The following DNAH8 variants were observed in gnomAD, a reference collection of about 807,000 sequenced individuals.
DNAH8 encodes the protein dynein axonemal heavy chain 8, also known as axonemal beta dynein heavy chain 8.
A neutral mutation model predicts 562.1 loss-of-function variants in DNAH8; 382 were observed. That is an observed-to-expected ratio of 0.68 (90% CI 0.63 to 0.74). DNAH8 has a LOEUF of 0.74. DNAH8 is among the 30% of genes least tolerant of loss of function. The pLI, the probability that DNAH8 is intolerant of heterozygous loss-of-function variation, is 0.00. For synonymous variants in DNAH8, 1,881 were observed against 1,919.4 expected (o/e 0.98, Z 0.52); for missense variants, 5,203 against 5,620.4 (o/e 0.93, Z 2.37).
At chr6:39,014,322 T>G (rs987842753) in intron 91 of DNAH8, among the ~76,000 whole-genome samples, 3 of 152,232 alleles carry the variant, frequency 2.0e-5, no homozygotes, top group African/African-American at 7.2e-5. Flanking sequence ...GTGTGTCTAC[T>G]TATGAGTCTC....
At chr6:38,785,172 C>T (rs1390176152) in intron 17 of DNAH8, among the ~76,000 whole-genome samples, 2 of 152,286 alleles carry the variant, frequency 1.3e-5, no homozygotes, top group South Asian at 4.2e-4. Flanking sequence ...CAGTAGAATT[C>T]TTTAACTTCT....
chr6:39,002,250 C>G (rs6918695), intron 88 of DNAH8, among the ~76,000 whole-genome samples: 60,856 of 152,010 alleles, frequency 0.4, 12,581 homozygotes, highest in Non-Finnish European at 0.45. Flanking sequence ...TGACACCCCT[C>G]TGTCTTCCCT....
intron 82 of DNAH8, among the ~76,000 whole-genome samples, chr6:38,955,632 A>AAAAT (rs567766999): frequency 3.0e-4 from 45 of 152,242 alleles, no homozygotes; most frequent in Middle Eastern, 6.8e-3. Context: ...CTCCATCTCA[A>AAAAT]AAATAAATAA....
chr6:38,881,614 C>T (rs956816165), intron 53 of DNAH8, among the ~76,000 whole-genome samples: 7 of 149,206 alleles, frequency 4.7e-5, no homozygotes, highest in Non-Finnish European at 1.0e-4. Flanking sequence ...TGCAATGGCG[C>T]GATCTTGGCT....
intron 21 of DNAH8, among the ~76,000 whole-genome samples, chr6:38,800,838 C>T (rs1361027843): frequency 6.6e-6 from 1 of 152,100 alleles, no homozygotes; most frequent in Non-Finnish European, 1.5e-5. Flanking sequence ...GCTTATTAAC[C>T]TTTTGTATGC....
intron 92 of DNAH8, among the ~76,000 whole-genome samples, chr6:39,027,493 A>G (rs1767374466): frequency 6.6e-6 from 1 of 152,202 alleles, no homozygotes; most frequent in Non-Finnish European, 1.5e-5. Flanking sequence ...TTGAGTCTTC[A>G]CATCTTCATC....
intron 81 of DNAH8, 110 bp downstream of exon 81, chr6:38,949,680 CA>C (rs2150629449): frequency 4.6e-6 from 3 of 652,606 alleles, no homozygotes; most frequent in South Asian, 4.4e-5. Flanking sequence ...AAAGTAACGG[CA>C]AAAACCGCAA....
At chr6:38,773,643 C>T (rs1402071164) in intron 12 of DNAH8, among the ~76,000 whole-genome samples, 1 of 152,170 alleles carries the variant, frequency 6.6e-6, no homozygotes, top group Non-Finnish European at 1.5e-5. Context: ...CGGCATCTTT[C>T]CCATTGGATA....
At chr6:38,717,981 T>A (rs1314537813) in intron 1 of DNAH8, among the ~76,000 whole-genome samples, 2 of 152,010 alleles carry the variant, frequency 1.3e-5, no homozygotes, top group African/African-American at 4.8e-5. Context: ...TTTATGCGAG[T>A]GGTGTTATTA....
At chr6:38,984,451 TACACACACGC>T (rs1461183958) in intron 87 of DNAH8, 144 bp downstream of exon 87, 2 of 626,276 alleles carry the variant, frequency 3.2e-6, no homozygotes, top group African/African-American at 3.9e-5. Flanking sequence ...TGTGTGCGCT[TACACACACGC>T]ACACACATGC....
At chr6:39,029,042 A>G (rs1356040944) in intron 92 of DNAH8, among the ~76,000 whole-genome samples, 3 of 152,180 alleles carry the variant, frequency 2.0e-5, no homozygotes, top group South Asian at 2.1e-4. Context: ...GTGAGCTGGC[A>G]TGATTGTTGG....
At chr6:38,758,165 G>T (rs1166541465) in intron 10 of DNAH8, among the ~76,000 whole-genome samples, 8 of 152,204 alleles carry the variant, frequency 5.3e-5, no homozygotes, top group Non-Finnish European at 1.0e-4. Flanking sequence ...CATGAGCATG[G>T]AATGTTCTTC....
chr6:38,873,690 T>C (rs1334439761), intron 52 of DNAH8, among the ~76,000 whole-genome samples: 1 of 148,648 alleles, frequency 6.7e-6, no homozygotes, highest in African/African-American at 2.5e-5. Context: ...TAGTAATTAA[T>C]TAAATTTTAA....
At chr6:38,969,203 AT>A (rs1763173524) in intron 82 of DNAH8, among the ~76,000 whole-genome samples, 1 of 152,212 alleles carries the variant, frequency 6.6e-6, no homozygotes, top group Admixed American at 6.5e-5. Context: ...AGTGATAGTT[AT>A]GCAACTCTAA....
chr6:38,974,175 A>G (rs1763526502), intron 84 of DNAH8, among the ~76,000 whole-genome samples, 199 bp from the exon 85 acceptor site: 1 of 152,234 alleles, frequency 6.6e-6, no homozygotes, highest in South Asian at 2.1e-4. Flanking sequence ...CCAAAATCTG[A>G]AACATTCTCA....
chr6:38,808,721 A>G (rs572289129), intron 24 of DNAH8, among the ~76,000 whole-genome samples: 1 of 152,352 alleles, frequency 6.6e-6, no homozygotes, highest in East Asian at 1.9e-4. Flanking sequence ...CAGGATAAAG[A>G]AAATGTGGCA....
chr6:38,750,690 A>G, intron 9 of DNAH8, 101 bp downstream of exon 9: 1 of 661,152 alleles, frequency 1.5e-6, no homozygotes, highest in Non-Finnish European at 2.6e-6. Context: ...GCTTGAGCCC[A>G]GGAGTGCAAG....
rs1779834314 is a variant in DNAH8, at chr6:38,898,278, G to T, written c.8961G>T (p.Leu2987=). 1 of 1,589,682 alleles carries T rather than the reference G, an allele frequency of 6.3e-7. No homozygotes were observed. Among genetic ancestry groups the T allele is most frequent in the African/African-American group, 1.4e-5 (1 of 73,308 alleles). Residue 2987 remains leucine, a synonymous_variant, in exon 61 of 93, where the codon CTG becomes CTT. Transcript: ENST00000327475. ...IYELMPSFDF[L]AEKLQFYQRQ... is the part of the protein sequence containing the mutation. Reference sequence around the variant, plus strand: ...CATAGATGCCATCCTTTGACTTTCTGGCTGAAAAACTCCAGTTTTACCAGA... The same window carrying T: ...CATAGATGCCATCCTTTGACTTTCTTGCTGAAAAACTCCAGTTTTACCAGA...
At chr6:39,007,397 C>G (rs1173142710) in intron 88 of DNAH8, among the ~76,000 whole-genome samples, 1 of 152,128 alleles carries the variant, frequency 6.6e-6, no homozygotes, top group Non-Finnish European at 1.5e-5. Flanking sequence ...TTAGATTTGC[C>G]TCTCACATCT....
Sources: allele counts gnomAD v4.1 joint callset (sites outside exome capture counted in the v4.1 genomes callset), GRCh38; gene constraint gnomAD v4.1.1; transcripts MANE v1.5; gene names NCBI Gene and HGNC (gene_info 2026-07-23, HGNC 2026-07-21).